NEBL: variants seen among roughly 807,000 people sequenced by gnomAD.
NEBL encodes the protein nebulette, also known as LIM and SH3 protein 2.
NEBL carries 122 observed loss-of-function variants against 140.2 expected under a neutral mutation model. The ratio of observed to expected loss-of-function variants is 0.87; its 90% CI spans 0.75 to 1.01. The LOEUF is 1.01. Ranked by LOEUF, NEBL falls within the 50% of genes least tolerant of loss-of-function variation. The pLI is 0.00. For synonymous variants in NEBL, 436 were observed against 398.9 expected, an observed-to-expected ratio of 1.09 and a Z score of -1.11; for missense variants, 1,365 against 1,231.3, an observed-to-expected ratio of 1.11 and a Z score of -1.62.
chr10:20,924,684 T>C (rs1361173280), intron 4 of NEBL, among the ~76,000 whole-genome samples: 3 of 150,984 alleles, frequency 2.0e-5, no homozygotes, highest in African/African-American at 7.3e-5. Flanking sequence ...TGAGGGAAGG[T>C]GAGGAAAGTG....
intron 2 of NEBL, among the ~76,000 whole-genome samples, chr10:21,122,002 G>T (rs199628586): frequency 6.7e-6 from 1 of 149,434 alleles, no homozygotes; most frequent in Non-Finnish European, 1.5e-5. Context: ...GATTTCTCCT[G>T]GTTGTTGTTG....
At chr10:21,036,439 G>A (rs1834020052) in intron 2 of NEBL, among the ~76,000 whole-genome samples, 1 of 152,044 alleles carries the variant, frequency 6.6e-6, no homozygotes, top group Admixed American at 6.5e-5. Context: ...GGGCAACACG[G>A]CAAGGATCTG....
At chr10:20,953,710 G>A (rs1182284030) in intron 4 of NEBL, among the ~76,000 whole-genome samples, 4 of 151,862 alleles carry the variant, frequency 2.6e-5, no homozygotes, top group South Asian at 2.1e-4. Flanking sequence ...GTAAAAGATC[G>A]TGTTTATCAA....
chr10:20,967,779 C>T (rs566674830), intron 3 of NEBL, among the ~76,000 whole-genome samples: 60 of 152,140 alleles, frequency 3.9e-4, no homozygotes, highest in African/African-American at 1.0e-3. Context: ...CATTTGATGG[C>T]GAATTCACAC....
intron 24 of NEBL, among the ~76,000 whole-genome samples, chr10:20,810,997 A>G (rs1175373127): frequency 6.6e-6 from 1 of 152,216 alleles, no homozygotes; most frequent in Non-Finnish European, 1.5e-5. Flanking sequence ...AGAGCCTCCA[A>G]CAAAAATAGA....
chr10:20,875,072 G>T (rs1845357541), intron 5 of NEBL, among the ~76,000 whole-genome samples: 1 of 152,066 alleles, frequency 6.6e-6, no homozygotes, highest in Admixed American at 6.6e-5. Context: ...TCTGTTCTTT[G>T]TTGCTTCCAA....
At chr10:20,940,469 C>T (rs577706659) in intron 4 of NEBL, among the ~76,000 whole-genome samples, 60 of 144,316 alleles carry the variant, frequency 4.2e-4, no homozygotes, top group African/African-American at 1.5e-3. Flanking sequence ...ACTAAATGCC[C>T]ACAAGAGAAA....
intron 19 of NEBL, among the ~76,000 whole-genome samples, chr10:20,820,392 C>A (rs1262355639): frequency 1.4e-4 from 21 of 152,130 alleles, no homozygotes; most frequent in African/African-American, 4.8e-4. Flanking sequence ...TTTTGGCAGA[C>A]AAAAGTAGAG....
upstream of NEBL, among the ~76,000 whole-genome samples, chr10:21,176,212 A>G (rs976506987): frequency 3.3e-5 from 5 of 152,076 alleles, no homozygotes; most frequent in South Asian, 1.0e-3. Context: ...GGTGTTGCCC[A>G]TGCTGGTCTC....
intron 9 of NEBL, among the ~76,000 whole-genome samples, chr10:20,854,561 CTTTTTTTT>C (rs71390794): frequency 1.9e-5 from 2 of 107,260 alleles, no homozygotes; most frequent in Admixed American, 9.9e-5. Context: ...TCATATAGTA[CTTTTTTTT>C]TTTTTTTTTT....
At chr10:20,850,893 A>G (rs1189114786) in intron 10 of NEBL, among the ~76,000 whole-genome samples, 1 of 152,214 alleles carries the variant, frequency 6.6e-6, no homozygotes, top group Admixed American at 6.5e-5. Context: ...CTATTGGTAA[A>G]TCAAGAACAA....
intron 2 of NEBL, among the ~76,000 whole-genome samples, chr10:21,129,654 C>A (rs898088390): frequency 2.0e-5 from 3 of 151,720 alleles, no homozygotes; most frequent in African/African-American, 7.3e-5. Context: ...CATGAAGTAG[C>A]ATAGTGCTAT....
chr10:21,045,097 C>A (rs976188398), intron 2 of NEBL, among the ~76,000 whole-genome samples: 2 of 152,150 alleles, frequency 1.3e-5, no homozygotes, highest in African/African-American at 4.8e-5. Flanking sequence ...TTCTCATGGG[C>A]CTCCATAAAT....
rs1489644794 is a variant in NEBL at position 21,184,444 on chromosome 10, G to A, written n.349-11967C>T. Among the ~76,000 whole-genome samples, 6 of 152,242 alleles carry A rather than the reference G, an allele frequency of 3.9e-5. No homozygotes were observed. In the East Asian group the frequency reaches 9.6e-4, roughly 24 times the overall value. On this transcript the variant is annotated intron_variant and non_coding_transcript_variant, in intron 3 of 8. Coordinates refer to the NEBL transcript ENST00000675702. ...GCTCTTCTACCAATATTGTACAAAA[G>A]TGCACGGTACACAATGTGCTCATCA...
intron 4 of NEBL, among the ~76,000 whole-genome samples, chr10:20,955,899 C>T (rs1373371692): frequency 6.8e-6 from 1 of 147,122 alleles, no homozygotes; most frequent in Non-Finnish European, 1.5e-5. Flanking sequence ...CTGAATCCCT[C>T]ATCTCTTGTT....
At chr10:21,119,638 A>T (rs912809033) in intron 2 of NEBL, among the ~76,000 whole-genome samples, 1 of 152,038 alleles carries the variant, frequency 6.6e-6, no homozygotes, top group Non-Finnish European at 1.5e-5. Context: ...AGCAAGCATT[A>T]TGACAATTAA....
intron 3 of NEBL, among the ~76,000 whole-genome samples, chr10:20,965,895 G>A (rs1836291619): frequency 6.6e-6 from 1 of 152,118 alleles, no homozygotes; most frequent in Non-Finnish European, 1.5e-5. Flanking sequence ...GTTACACACT[G>A]TTGTCAGAAC....
intron 12 of NEBL, among the ~76,000 whole-genome samples, chr10:20,842,146 C>T (rs566032236): frequency 6.6e-6 from 1 of 152,118 alleles, no homozygotes; most frequent in South Asian, 2.1e-4. Flanking sequence ...GTTACTTTCC[C>T]TTCATCCATT....
rs115775023 is a variant in NEBL at position 21,245,107 on chromosome 10, T to G, written n.348+2814A>C. On this transcript the variant is annotated intron_variant and non_coding_transcript_variant, in intron 3 of 8. Transcript: ENST00000675702. ...TGAGCCTGGGTGGTTGAGGCTGCTG[T>G]GAGCTATGATCATGTTACTGCACTC... Among the ~76,000 whole-genome samples the G allele has an allele frequency of 3.8e-3, 574 of 152,206 alleles. 6 individuals carry two copies. Among genetic ancestry groups the G allele is most frequent in the African/African-American group, 0.013 (548 of 41,526 alleles).
Sources: gnomAD v4.1 joint callset for allele counts (sites outside exome capture counted in the v4.1 genomes callset) on GRCh38, gnomAD v4.1.1 for gene constraint, MANE v1.5 for transcripts, NCBI Gene and HGNC (gene_info 2026-07-23, HGNC 2026-07-21) for gene names.